USP15: variants seen among roughly 807,000 people sequenced by gnomAD.
USP15 encodes ubiquitin specific peptidase 15.
Under a neutral mutation model 127.1 loss-of-function variants are expected in USP15, and 18 were observed. The observed-to-expected ratio is 0.14, with a 90% CI of 0.10 to 0.21. The LOEUF is 0.21. Ranked by LOEUF, USP15 falls within the 10% of genes least tolerant of loss-of-function variation. The pLI is 1.00. For missense variants in USP15, 805 were observed against 1,159.9 expected, an observed-to-expected ratio of 0.69 and a Z score of 4.44; for synonymous variants, 364 against 393.7, an observed-to-expected ratio of 0.92 and a Z score of 0.89.
chr12:62,355,550 C>G, intron 8 of USP15, 75 bp downstream of exon 8: 1 of 1,434,680 alleles, frequency 7.0e-7, no homozygotes, highest in South Asian at 1.5e-5. Context: ...TTGGGTTTTT[C>G]ATGCCAGAAC....
rs560454290 is a variant in USP15, at chr12:62,319,812, G to A, written c.476-1652G>A. 8.5e-5 allele frequency among the ~76,000 whole-genome samples: 13 copies of A among 152,260 alleles called. No homozygotes were observed. In the South Asian group the frequency reaches 2.5e-3, roughly 29 times the overall value. ...AGAATGTCAACAGTGGTTATATCTA[G>A]GTAGACATTTTATTTATATTTGTCA... On this transcript the variant is annotated intron_variant, in intron 4 of 21. Transcript: ENST00000280377.
At position 62,288,891 on chromosome 12, in the gene USP15, TTATTGATTTGCA is replaced by T. The variant is rs2063864518; in HGVS notation, c.90-5284_90-5273del. ...ATTTTGTTTAGGTGGTGAATTGCAT[TTATTGATTTGCA>T]TATGTTGAACTTCCTTTGCGTGCCT... On this transcript the variant is annotated intron_variant, in intron 1 of 21. Coordinates refer to ENST00000280377, the MANE Select transcript of USP15 (RefSeq NM_001252078.2). 2.0e-5 allele frequency among the ~76,000 whole-genome samples: 3 copies of T among 152,322 alleles called. No individual in the cohort carries two copies. In the South Asian group the frequency reaches 6.2e-4, roughly 32 times the overall value.
intron 21 of USP15, among the ~76,000 whole-genome samples, chr12:62,402,772 A>G (rs1394254258): frequency 6.6e-6 from 1 of 152,066 alleles, no homozygotes; most frequent in Admixed American, 6.6e-5. Context: ...AGATTGTTAA[A>G]CAAGAGAATA....
chr12:62,291,983 C>T (rs1214932854), intron 1 of USP15, among the ~76,000 whole-genome samples: 1 of 152,192 alleles, frequency 6.6e-6, no homozygotes, highest in Non-Finnish European at 1.5e-5. Context: ...GAGTCAGCTT[C>T]AGTGGTAACA....
rs1038681330 is a variant in USP15 at position 62,409,175 on chromosome 12, A to T, written c.*4800A>T. ...CGGGAAACATACCCCACACGGTGCC[A>T]TGGTTTAATTATTCCCCAGCTCTAC... On this transcript the variant is annotated 3_prime_UTR_variant, in exon 22 of 22. Transcript: ENST00000280377. 1 of 152,188 alleles carries T rather than the reference A, an allele frequency of 6.6e-6. No individual in the cohort carries two copies. Among genetic ancestry groups the T allele is most frequent in the Non-Finnish European group, 1.5e-5 (1 of 68,022 alleles). The allele number at this position is 152,188 out of a possible 1,614,324, so 9.4% of individuals were successfully genotyped here.
chr12:62,331,669 C>T (rs2065306825), intron 6 of USP15, among the ~76,000 whole-genome samples: 1 of 152,104 alleles, frequency 6.6e-6, no homozygotes, highest in African/African-American at 2.4e-5. Flanking sequence ...AGTTTTGAAA[C>T]TGTGTCTTCA....
rs2067450530 is a variant in USP15, at chr12:62,395,240, A to G, written c.2571-1055A>G. On this transcript the variant is annotated intron_variant, in intron 19 of 21. Transcript: ENST00000280377. ...ATTACTTTCTAAAATTGACTGTAAA[A>G]TAAAGATCTACTGGACCCAGATGGT... Among the ~76,000 whole-genome samples the G allele has an allele frequency of 2.0e-5, 3 of 152,298 alleles. No individual in the cohort carries two copies. The South Asian group carries it at 6.2e-4, about 32-fold the overall frequency.
intron 8 of USP15, among the ~76,000 whole-genome samples, chr12:62,367,486 C>G (rs1436442345): frequency 1.3e-5 from 2 of 152,248 alleles, no homozygotes; most frequent in East Asian, 3.9e-4. Context: ...CTTGGCCTCC[C>G]AAAGAAATTT....
chr12:62,326,757 A>G (rs1031636369), intron 6 of USP15, among the ~76,000 whole-genome samples: 4 of 152,216 alleles, frequency 2.6e-5, no homozygotes, highest in African/African-American at 9.6e-5. Context: ...TCTTAAAATA[A>G]TGATATTTTT....
intron 1 of USP15, among the ~76,000 whole-genome samples, chr12:62,277,210 G>A (rs1461053736): frequency 6.6e-6 from 1 of 152,038 alleles, no homozygotes; most frequent in Non-Finnish European, 1.5e-5. Context: ...ACTTCCACAA[G>A]CAGACAATCT....
chr12:62,325,968 A>G (rs1387831941), intron 6 of USP15, 35 bp downstream of exon 6: 7 of 1,568,468 alleles, frequency 4.5e-6, no homozygotes, highest in Admixed American at 1.8e-5. Flanking sequence ...TTATTGTATG[A>G]TTTTGAAGCC....
chr12:62,370,325 G>A (rs774254923), intron 8 of USP15, among the ~76,000 whole-genome samples: 4 of 152,080 alleles, frequency 2.6e-5, no homozygotes, highest in Non-Finnish European at 4.4e-5. Context: ...AGTAGAGTGA[G>A]GGAGACCCAT....
chr12:62,391,034 G>T, intron 15 of USP15, 55 bp downstream of exon 15: 2 of 1,553,746 alleles, frequency 1.3e-6, no homozygotes, highest in Non-Finnish European at 8.7e-7. Context: ...TTGCCTCAGA[G>T]AAAAAGTTAA....
chr12:62,355,475 G>A lies in USP15; in HGVS notation c.915G>A (p.Gln305=). Residue 305 remains glutamine (Q), a splice_region_variant and synonymous_variant, in exon 8 of 22, where the codon CAG becomes CAA. Coordinates refer to ENST00000280377, the MANE Select transcript of USP15 (RefSeq NM_001252078.2). ...CGTGTTTCATGAACTCAGCTATTCA[G>A]GTAGGTCTTTGTAAACAAAATGAAA... The part of the protein sequence containing the change: ...GNTCFMNSAI[Q]CLSNTPPLTE... 6.3e-7 allele frequency: 1 copy of A among 1,585,324 alleles called. No homozygotes were observed. Among genetic ancestry groups the A allele is most frequent in the Non-Finnish European group, 8.6e-7 (1 of 1,168,718 alleles).
chr12:62,287,606 ATTTG>A (rs2063823241), intron 1 of USP15, among the ~76,000 whole-genome samples: 1 of 151,532 alleles, frequency 6.6e-6, no homozygotes, highest in South Asian at 2.1e-4. Flanking sequence ...TTTTTGTTGG[ATTTG>A]TTTTTGAGAT....
chr12:62,379,264 A>G (rs1237936440), intron 8 of USP15, among the ~76,000 whole-genome samples: 1 of 151,828 alleles, frequency 6.6e-6, no homozygotes, highest in Non-Finnish European at 1.5e-5. Flanking sequence ...TCAGATTGAG[A>G]GAGTATGTGG....
intron 6 of USP15, chr12:62,335,362 T>C: frequency 7.0e-7 from 1 of 1,431,552 alleles, no homozygotes; most frequent in Admixed American, 3.0e-5. Flanking sequence ...AGATAAATGA[T>C]GCGTTATCAC....
At chr12:62,301,301 C>T (rs976784698) in intron 2 of USP15, among the ~76,000 whole-genome samples, 4 of 152,098 alleles carry the variant, frequency 2.6e-5, no homozygotes, top group African/African-American at 9.7e-5. Context: ...GTTAGACATA[C>T]GTTTATTGTA....
chr12:62,280,415 A>T (rs1208864051), intron 1 of USP15, among the ~76,000 whole-genome samples: 2 of 152,134 alleles, frequency 1.3e-5, no homozygotes, highest in Non-Finnish European at 2.9e-5. Context: ...AAAACAGCAA[A>T]TTTATTTGTC....
Sources: allele counts gnomAD v4.1 joint callset (sites outside exome capture counted in the v4.1 genomes callset), GRCh38; gene constraint gnomAD v4.1.1; transcripts MANE v1.5; gene names NCBI Gene and HGNC (gene_info 2026-07-23, HGNC 2026-07-21).